Variants in RBFOX1 observed in about 807,000 individuals in gnomAD.
RBFOX1 encodes RNA binding protein fox-1 homolog 1.
In RBFOX1, 8 loss-of-function variants were observed where a neutral mutation model predicts 57.7. That is an observed-to-expected ratio of 0.14 (90% CI 0.08 to 0.25). The LOEUF (loss-of-function observed/expected upper bound fraction) is 0.25, where lower values mean the gene tolerates loss of function less well. Ranked by LOEUF, RBFOX1 falls within the 10% of genes least tolerant of loss-of-function variation. RBFOX1 has a pLI of 1.00. For synonymous variants in RBFOX1, 326 were observed against 222.4 expected, an observed-to-expected ratio of 1.47 and a Z score of -4.15; for missense variants, 611 against 548.5, an observed-to-expected ratio of 1.11 and a Z score of -1.14.
intron 4 of RBFOX1, among the ~76,000 whole-genome samples, chr16:7,405,393 C>G (rs908151173): frequency 6.6e-6 from 1 of 152,150 alleles, no homozygotes; most frequent in African/African-American, 2.4e-5. Context: ...CAGTTTTTTC[C>G]CTGTTCCACC....
At chr16:5,814,153 G>C (rs996989199) in intron 3 of RBFOX1, among the ~76,000 whole-genome samples, 1 of 152,124 alleles carries the variant, frequency 6.6e-6, no homozygotes, top group African/African-American at 2.4e-5. Flanking sequence ...CTGCAGAGAA[G>C]GTGTCTCTTG....
chr16:6,454,708 T>C (rs1294948098), intron 2 of RBFOX1, among the ~76,000 whole-genome samples: 2 of 152,080 alleles, frequency 1.3e-5, no homozygotes, highest in African/African-American at 4.8e-5. Context: ...AGAGTGACCT[T>C]AGGAAAATGT....
chr16:6,806,900 C>A (rs143117108), intron 3 of RBFOX1, among the ~76,000 whole-genome samples: 1 of 135,404 alleles, frequency 7.4e-6, no homozygotes, highest in African/African-American at 2.9e-5. Flanking sequence ...ATAGCATGAT[C>A]TCAGCTCACT....
intron 1 of RBFOX1, among the ~76,000 whole-genome samples, chr16:6,049,547 G>T (rs192697250): frequency 6.6e-6 from 1 of 152,044 alleles, no homozygotes; most frequent in East Asian, 1.9e-4. Flanking sequence ...ATTTCAGGTT[G>T]CATCTCTAAA....
intron 3 of RBFOX1, among the ~76,000 whole-genome samples, chr16:7,011,936 T>C (rs1425211290): frequency 2.6e-5 from 4 of 152,224 alleles, no homozygotes; most frequent in African/African-American, 9.6e-5. Context: ...CATTTCTCTC[T>C]GGAAATACGC....
chr16:5,333,185 C>T (rs983482449), intron 1 of RBFOX1, among the ~76,000 whole-genome samples: 2 of 47,178 alleles, frequency 4.2e-5, no homozygotes, highest in African/African-American at 1.0e-4. Flanking sequence ...AAGACTCCAT[C>T]TCAAAAAACA....
chr16:6,844,442 T>C (rs542489286), intron 3 of RBFOX1, among the ~76,000 whole-genome samples: 4 of 152,278 alleles, frequency 2.6e-5, no homozygotes, highest in African/African-American at 9.6e-5. Context: ...TAAGAACATG[T>C]GGTGTTTGGT....
chr16:6,124,569 C>T (rs2096575280), intron 1 of RBFOX1, among the ~76,000 whole-genome samples: 1 of 152,122 alleles, frequency 6.6e-6, no homozygotes, highest in Non-Finnish European at 1.5e-5. Flanking sequence ...GTGGCATAAT[C>T]TCGGCTCATT....
intron 3 of RBFOX1, among the ~76,000 whole-genome samples, chr16:5,753,575 G>T (rs185632121): frequency 1.3e-5 from 2 of 152,150 alleles, no homozygotes; most frequent in African/African-American, 4.8e-5. Flanking sequence ...GCTTGTATTG[G>T]CTGGCGAGAG....
At chr16:7,504,787 T>TTATATATATATTTATATATATATATTTA (rs2072607561) in intron 4 of RBFOX1, among the ~76,000 whole-genome samples, 1 of 9,370 alleles carries the variant, frequency 1.1e-4, no homozygotes, top group Admixed American at 1.0e-3. Flanking sequence ...ATATATATAT[T>TTATATATATATTTATATATATATATTTA]TATATATATA....
intron 14 of RBFOX1, among the ~76,000 whole-genome samples, chr16:7,685,301 T>C (rs1455006364): frequency 2.6e-5 from 4 of 152,140 alleles, no homozygotes; most frequent in Non-Finnish European, 1.5e-5. Flanking sequence ...GCCTCTCTAC[T>C]CTCCCTTCTT....
chr16:6,074,432 C>G (rs1048281813), intron 1 of RBFOX1, among the ~76,000 whole-genome samples: 1 of 152,174 alleles, frequency 6.6e-6, no homozygotes, highest in Non-Finnish European at 1.5e-5. Flanking sequence ...CATCCCTGAA[C>G]CAATCATGAT....
At chr16:7,574,063 C>G (rs989401137) in intron 5 of RBFOX1, among the ~76,000 whole-genome samples, 2 of 152,116 alleles carry the variant, frequency 1.3e-5, no homozygotes, top group Non-Finnish European at 2.9e-5. Flanking sequence ...CAGCAAGCTT[C>G]TCAGGGATGC....
At chr16:6,611,055 T>C (rs1030924485) in intron 2 of RBFOX1, among the ~76,000 whole-genome samples, 1 of 152,200 alleles carries the variant, frequency 6.6e-6, no homozygotes, top group Non-Finnish European at 1.5e-5. Flanking sequence ...AATAAGATTT[T>C]ACCATTAAGG....
At chr16:7,661,228 C>T (rs535908877) in intron 12 of RBFOX1, among the ~76,000 whole-genome samples, 47 of 152,340 alleles carry the variant, frequency 3.1e-4, no homozygotes, top group Middle Eastern at 6.8e-3. Context: ...GATCACTCGT[C>T]CTTTCCATTT....
chr16:6,092,935 G>T (rs994826208), intron 1 of RBFOX1: 1 of 152,174 alleles, frequency 6.6e-6, no homozygotes, highest in Non-Finnish European at 1.5e-5. Flanking sequence ...TGGGAAGAAA[G>T]TGTGGATAAA....
At chr16:5,302,457 G>A (rs1431952580) in intron 1 of RBFOX1, among the ~76,000 whole-genome samples, 2 of 152,130 alleles carry the variant, frequency 1.3e-5, no homozygotes, top group Admixed American at 6.6e-5. Flanking sequence ...GGTCAAGCTG[G>A]TTGATTGTGT....
intron 4 of RBFOX1, among the ~76,000 whole-genome samples, chr16:5,978,727 G>T (rs1022577506): frequency 6.6e-6 from 1 of 151,366 alleles, no homozygotes; most frequent in East Asian, 2.0e-4. Context: ...AGTGTTGAGG[G>T]GTACCAGTCC....
chr16:6,933,696 C>T (rs897677804), intron 3 of RBFOX1, among the ~76,000 whole-genome samples: 2 of 152,204 alleles, frequency 1.3e-5, no homozygotes, highest in African/African-American at 4.8e-5. Flanking sequence ...GCCTGGGGGA[C>T]AGCACGAGAC....
Sources: allele counts gnomAD v4.1 joint callset (sites outside exome capture counted in the v4.1 genomes callset), GRCh38; gene constraint gnomAD v4.1.1; transcripts MANE v1.5; gene names NCBI Gene and HGNC (gene_info 2026-07-23, HGNC 2026-07-21).